The following SOX5 variants were observed in gnomAD, a reference collection of about 807,000 sequenced individuals.
SOX5 encodes the protein SRY-box transcription factor 5.
In SOX5, 9 loss-of-function variants were observed where a neutral mutation model predicts 92.0. The observed-to-expected ratio is 0.10, with a 90% CI of 0.06 to 0.17. The LOEUF (loss-of-function observed/expected upper bound fraction) is 0.17. Ranked by LOEUF, SOX5 falls within the 10% of genes least tolerant of loss-of-function variation. SOX5 has a pLI of 1.00. For missense variants in SOX5, 642 were observed against 944.5 expected, an observed-to-expected ratio of 0.68 and a Z score of 4.20; for synonymous variants, 344 against 336.3, an observed-to-expected ratio of 1.02 and a Z score of -0.25.
chr12:24,012,975 A>C (rs991572767), intron 4 of SOX5, among the ~76,000 whole-genome samples: 2 of 152,162 alleles, frequency 1.3e-5, no homozygotes. Flanking sequence ...TTTGGTGATC[A>C]CTTCATTCCC....
At chr12:24,405,259 G>T (rs562363570) in intron 1 of SOX5, among the ~76,000 whole-genome samples, 2 of 152,174 alleles carry the variant, frequency 1.3e-5, no homozygotes, top group Non-Finnish European at 2.9e-5. Context: ...CACATGGTAA[G>T]TTCCAGAAAG....
chr12:23,860,845 T>A (rs1302467282), intron 2 of SOX5, among the ~76,000 whole-genome samples: 5 of 151,284 alleles, frequency 3.3e-5, no homozygotes, highest in African/African-American at 1.2e-4. Context: ...AAAATGGCAG[T>A]TATAAGAGAG....
chr12:23,534,688 G>GTTTTTCT (rs1939842762), intron 14 of SOX5, among the ~76,000 whole-genome samples, 166 bp from the exon 15 acceptor site: 1 of 142,128 alleles, frequency 7.0e-6, no homozygotes, highest in East Asian at 2.0e-4. Flanking sequence ...TTAATACCTT[G>GTTTTTCT]TTTTTCTTTT....
chr12:24,300,074 A>G (rs1372259630), intron 2 of SOX5, among the ~76,000 whole-genome samples: 1 of 152,244 alleles, frequency 6.6e-6, no homozygotes, highest in Non-Finnish European at 1.5e-5. Context: ...CTGAGAACAA[A>G]GCGAAACACT....
chr12:23,711,074 C>T (rs1272633772), intron 6 of SOX5, among the ~76,000 whole-genome samples: 1 of 151,992 alleles, frequency 6.6e-6, no homozygotes, highest in African/African-American at 2.4e-5. Flanking sequence ...TTCCATTTAC[C>T]CTTAATTACA....
At chr12:23,746,863 G>C (rs1364253368) in intron 4 of SOX5, among the ~76,000 whole-genome samples, 1 of 151,998 alleles carries the variant, frequency 6.6e-6, no homozygotes, top group Non-Finnish European at 1.5e-5. Flanking sequence ...TAATCATGGG[G>C]GTGGGTCTTT....
At chr12:23,944,260 G>A (rs528747930) in intron 1 of SOX5, 18 of 152,080 alleles carry the variant, frequency 1.2e-4, no homozygotes, top group Non-Finnish European at 2.1e-4. Context: ...CAAGAGCTGG[G>A]AACAACTTTG....
chr12:24,379,240 A>G (rs1056547995), intron 1 of SOX5, among the ~76,000 whole-genome samples: 2 of 152,218 alleles, frequency 1.3e-5, no homozygotes, highest in African/African-American at 4.8e-5. Context: ...GTTAACTCTT[A>G]GTCATGTTTG....
At chr12:23,610,966 T>C (rs2137735982) in intron 8 of SOX5, among the ~76,000 whole-genome samples, 1 of 152,316 alleles carries the variant, frequency 6.6e-6, no homozygotes, top group South Asian at 2.1e-4. Flanking sequence ...TGCCTTCTTT[T>C]TGATAAATAA....
chr12:23,912,420 C>A (rs2097361766), intron 1 of SOX5, among the ~76,000 whole-genome samples: 1 of 152,166 alleles, frequency 6.6e-6, no homozygotes, highest in African/African-American at 2.4e-5. Context: ...AATAGCGCAG[C>A]CACTTTCAAA....
chr12:24,021,440 G>A (rs1421961554), intron 4 of SOX5, among the ~76,000 whole-genome samples: 3 of 152,078 alleles, frequency 2.0e-5, no homozygotes, highest in African/African-American at 7.2e-5. Flanking sequence ...AAGATGTGAC[G>A]ACTTACATAC....
rs981592571 is a variant in SOX5 at position 23,541,509 on chromosome 12, GAATATAGTCACAAAA to G, written c.1771+1687_1771+1701del. Among the ~76,000 whole-genome samples, 6 of 152,184 alleles carry G rather than the reference GAATATAGTCACAAAA, an allele frequency of 3.9e-5. No homozygotes were observed. The South Asian group carries it at 1.2e-3, about 32-fold the overall frequency. On this transcript the variant is annotated intron_variant, in intron 13 of 14. Coordinates refer to ENST00000451604, the MANE Select transcript of SOX5 (RefSeq NM_006940.6). ...GATAGGAAATTTCACATGGAAGGTAGAATATAGTCACAAAAAATATAGTCACAAAAGGGAAAAATA... is the reference window on the plus strand; with the variant it reads ...GATAGGAAATTTCACATGGAAGGTAGAATATAGTCACAAAAGGGAAAAATA...
At chr12:23,807,105 T>C (rs1328917614) in intron 3 of SOX5, among the ~76,000 whole-genome samples, 2 of 149,724 alleles carry the variant, frequency 1.3e-5, no homozygotes, top group Non-Finnish European at 3.0e-5. Flanking sequence ...TGTATTCTTC[T>C]TTTACACACC....
chr12:24,445,845 G>C (rs1218995660), intron 1 of SOX5, among the ~76,000 whole-genome samples: 1 of 152,202 alleles, frequency 6.6e-6, no homozygotes, highest in African/African-American at 2.4e-5. Context: ...ATAGAAGCAA[G>C]TATTGATGGG....
intron 4 of SOX5, among the ~76,000 whole-genome samples, chr12:24,186,957 G>A (rs1451392821): frequency 6.6e-6 from 1 of 151,966 alleles, no homozygotes; most frequent in African/African-American, 2.4e-5. Flanking sequence ...GTAAAAGTAG[G>A]TGAAAATGTC....
At chr12:23,867,821 T>TA (rs539920837) in intron 2 of SOX5, among the ~76,000 whole-genome samples, 2,000 of 140,332 alleles carry the variant, frequency 0.014, 36 homozygotes, top group African/African-American at 0.044. Flanking sequence ...ACAAAGATAG[T>TA]AAAAAAAAAA....
At chr12:23,712,357 G>T (rs566221274) in intron 6 of SOX5, among the ~76,000 whole-genome samples, 46 of 152,130 alleles carry the variant, frequency 3.0e-4, no homozygotes, top group African/African-American at 1.1e-3. Flanking sequence ...AGTGATGAAG[G>T]CAATTTGTAC....
intron 1 of SOX5, among the ~76,000 whole-genome samples, chr12:24,531,390 C>T (rs1459901269): frequency 6.6e-6 from 1 of 152,124 alleles, no homozygotes; most frequent in Non-Finnish European, 1.5e-5. Context: ...TTGGAAAGGA[C>T]AGGCACACCA....
At chr12:23,950,915 C>T, upstream of SOX5, 1 of 1,532,732 alleles carries the variant, frequency 6.5e-7, no homozygotes. Context: ...ACCGCAGCAT[C>T]TGGTCAGGGA....
Sources: gnomAD v4.1 joint callset for allele counts (sites outside exome capture counted in the v4.1 genomes callset) on GRCh38, gnomAD v4.1.1 for gene constraint, MANE v1.5 for transcripts, NCBI Gene and HGNC (gene_info 2026-07-23, HGNC 2026-07-21) for gene names.